The following PACRGL variants were observed in gnomAD, a reference collection of about 807,000 sequenced individuals.
PACRGL encodes the protein parkin coregulated like.
A neutral mutation model predicts 34.5 loss-of-function variants in PACRGL; 38 were observed. That is an observed-to-expected ratio of 1.10 (90% CI 0.85 to 1.44). The LOEUF (loss-of-function observed/expected upper bound fraction) is 1.44. Among genes scored for constraint, PACRGL ranks in the 40% most tolerant of loss-of-function variants. The pLI is 0.00. For synonymous variants in PACRGL, 128 were observed against 100.1 expected, an observed-to-expected ratio of 1.28 and a Z score of -1.66; for missense variants, 305 against 281.4, an observed-to-expected ratio of 1.08 and a Z score of -0.60.
At position 20,738,809 on chromosome 4, in the gene PACRGL, C is replaced by T. The variant is rs141508897; in HGVS notation, c.*56+11412C>T. Among the ~76,000 whole-genome samples the T allele has an allele frequency of 3.0e-3, 461 of 152,240 alleles. 1 individual carries two copies. Among genetic ancestry groups the T allele is most frequent in the African/African-American group, 0.01 (435 of 41,548 alleles). On this transcript the variant is annotated intron_variant, in intron 8 of 8. Coordinates refer to the PACRGL transcript ENST00000507634. The stretch of plus-strand genomic sequence containing the variant: ...GTGGGGCATCGCCTCACCCAGGAAG[C>T]GCAAGGGGTTGGGGAATTCCCTTTC...
rs767400779 is a variant in PACRGL, at chr4:20,709,719, G to T, written c.312G>T (p.Trp104Cys). ...VHGSVKHRLQ[W>C]ECPPESLSFD... ...GTTCAGTAAAACACAGATTACAGTG[G>T]GAATGTCCTCCTGAAAGTCTTTCAT... is the stretch of plus-strand genomic sequence containing the variant. The change falls in exon 5 of 9, where the codon TGG becomes TGT. Residue 104 changes from tryptophan to cysteine, a missense_variant. By Grantham distance (215) the Trp-to-Cys change is radical. Coordinates refer to ENST00000503585, the MANE Select transcript of PACRGL (RefSeq NM_001258345.3). The T allele has an allele frequency of 1.2e-6, 2 of 1,609,930 alleles. No individual in the cohort carries two copies. The highest frequency in any genetic ancestry group is 1.7e-6 in the Non-Finnish European group (2 of 1,177,086).
At chr4:20,723,873 A>C (rs147866913) in intron 7 of PACRGL, among the ~76,000 whole-genome samples, 2 of 152,170 alleles carry the variant, frequency 1.3e-5, no homozygotes, top group East Asian at 3.9e-4. Flanking sequence ...TTCCTGGTCT[A>C]TTACCACTAA....
At chr4:20,732,574 T>TA, downstream of PACRGL, 1 of 733,118 alleles carries the variant, frequency 1.4e-6, no homozygotes, top group Non-Finnish European at 2.4e-6. Flanking sequence ...TTTGTTTCAG[T>TA]AAAAATTATT....
At chr4:20,739,965 A>G (rs1376795526) in intron 8 of PACRGL, among the ~76,000 whole-genome samples, 1 of 152,180 alleles carries the variant, frequency 6.6e-6, no homozygotes, top group Non-Finnish European at 1.5e-5. Flanking sequence ...TTCAGTAGCC[A>G]TTTTGATCAA....
rs772282781 is a variant in PACRGL, at chr4:20,704,781, A to G, written c.174A>G (p.Pro58=). The change falls in exon 3 of 9, where the codon CCA becomes CCG. Residue 58 remains proline, a synonymous_variant. Transcript: ENST00000503585. Reference sequence around the variant, plus strand: ...CTGCAAGAAAACTTCATCCTAGACCAAGTGATAAACTGAACCCTAAAACAA... The same window carrying G: ...CTGCAAGAAAACTTCATCCTAGACCGAGTGATAAACTGAACCCTAAAACAA... The part of the protein sequence containing the change: ...PESARKLHPR[P]SDKLNPKTIN... 67 of 1,614,018 alleles carry G rather than the reference A, an allele frequency of 4.2e-5. No homozygotes were observed. The highest frequency in any genetic ancestry group is 5.3e-5 in the Non-Finnish European group (63 of 1,179,998).
chr4:20,699,218 A>T (rs960836333), upstream of PACRGL, among the ~76,000 whole-genome samples: 2 of 136,860 alleles, frequency 1.5e-5, no homozygotes, highest in Admixed American at 1.4e-4. Flanking sequence ...GATACAGGAT[A>T]TAAGATTTTT....
At chr4:20,755,774 A>G (rs574450392), downstream of PACRGL, among the ~76,000 whole-genome samples, 3 of 152,234 alleles carry the variant, frequency 2.0e-5, no homozygotes, top group East Asian at 5.8e-4. Flanking sequence ...ATTGAGATAG[A>G]TATTTGGGAG....
chr4:20,704,297 A>G (rs146068200), intron 1 of PACRGL, among the ~76,000 whole-genome samples, 169 bp from the exon 2 acceptor site: 2 of 152,272 alleles, frequency 1.3e-5, no homozygotes, highest in South Asian at 2.1e-4. Context: ...ATTGAAGTTG[A>G]CATAATTTCA....
chr4:20,742,700 G>T (rs2149310026), intron 8 of PACRGL, among the ~76,000 whole-genome samples: 1 of 152,238 alleles, frequency 6.6e-6, no homozygotes, highest in East Asian at 1.9e-4. Context: ...ACATAGTGTT[G>T]GAAGTTCTGG....
intron 8 of PACRGL, among the ~76,000 whole-genome samples, chr4:20,737,854 G>A (rs1282916918): frequency 1.3e-5 from 2 of 152,256 alleles, no homozygotes; most frequent in African/African-American, 4.8e-5. Flanking sequence ...CCAGCAGGCT[G>A]GGGATCATGG....
At chr4:20,736,910 A>G (rs1342033354), downstream of PACRGL, among the ~76,000 whole-genome samples, 1 of 152,242 alleles carries the variant, frequency 6.6e-6, no homozygotes, top group Non-Finnish European at 1.5e-5. Context: ...AAAACTTAGT[A>G]CAAAGTTACA....
intron 8 of PACRGL, chr4:20,749,767 T>C (rs1440741342): frequency 7.1e-7 from 1 of 1,417,862 alleles, no homozygotes. Flanking sequence ...ATTAAGTCAG[T>C]GTTTCCATAT....
downstream of PACRGL, among the ~76,000 whole-genome samples, chr4:20,736,294 T>A (rs1304480951): frequency 6.6e-6 from 1 of 152,242 alleles, no homozygotes; most frequent in Admixed American, 6.5e-5. Flanking sequence ...CCATTGTATA[T>A]GTAAATACAT....
intron 1 of PACRGL, among the ~76,000 whole-genome samples, chr4:20,703,477 AGTGTGTGTGTGTGTGT>A (rs34932810): frequency 2.1e-5 from 3 of 141,464 alleles, no homozygotes; most frequent in Non-Finnish European, 4.6e-5. Flanking sequence ...TGGGTATATG[AGTGTGTGTGTGTGTGT>A]GTGTGTGTGT....
At chr4:20,764,370 G>A in the PACRGL span, among the ~76,000 whole-genome samples, 1 of 151,958 alleles carries the variant, frequency 6.6e-6, no homozygotes, top group Non-Finnish European at 1.5e-5. Context: ...TTTAGTGACT[G>A]CATAATAATG....
intron 3 of PACRGL, among the ~76,000 whole-genome samples, chr4:20,705,555 C>CT (rs968731972): frequency 7.2e-5 from 11 of 152,096 alleles, no homozygotes; most frequent in African/African-American, 2.7e-4. Flanking sequence ...TGTTCCTTTG[C>CT]TTTTTTCTGT....
chr4:20,725,413 T>C (rs990312672), intron 8 of PACRGL, among the ~76,000 whole-genome samples: 3 of 152,114 alleles, frequency 2.0e-5, no homozygotes, highest in Admixed American at 6.6e-5. Context: ...AATAGTTTAA[T>C]TGGTTATTCT....
At chr4:20,708,168 A>G (rs907067571) in intron 4 of PACRGL, among the ~76,000 whole-genome samples, 3 of 152,206 alleles carry the variant, frequency 2.0e-5, no homozygotes, top group Non-Finnish European at 2.9e-5. Context: ...GCAAGTTGCA[A>G]ATTAAAAAAT....
chr4:20,734,792 A>AC, downstream of PACRGL: 1 of 1,059,480 alleles, frequency 9.4e-7, no homozygotes. Context: ...CAAAAACAAA[A>AC]AAAACAAATG....
Sources: gnomAD v4.1 joint callset for allele counts (sites outside exome capture counted in the v4.1 genomes callset) on GRCh38, gnomAD v4.1.1 for gene constraint, MANE v1.5 for transcripts, NCBI Gene and HGNC (gene_info 2026-07-23, HGNC 2026-07-21) for gene names.